The following RYR2 variants were observed in gnomAD, a reference collection of about 807,000 sequenced individuals.
RYR2 encodes ryanodine receptor 2, also known as cardiac muscle ryanodine receptor-calcium release channel.
A neutral mutation model predicts 601.1 loss-of-function variants in RYR2; 227 were observed. The observed-to-expected ratio is 0.38, with a 90% CI of 0.34 to 0.42. The LOEUF (loss-of-function observed/expected upper bound fraction) is 0.42, where lower values mean the gene tolerates loss of function less well. Ranked by LOEUF, RYR2 falls within the 10% of genes least tolerant of loss-of-function variation. RYR2 has a pLI of 1.00. For missense variants in RYR2, 4,646 were observed against 6,156.5 expected, an observed-to-expected ratio of 0.75 and a Z score of 8.21; for synonymous variants, 2,223 against 2,175.1, an observed-to-expected ratio of 1.02 and a Z score of -0.61.
intron 24 of RYR2, among the ~76,000 whole-genome samples, chr1:237,528,135 G>A (rs574757549): frequency 1.3e-5 from 2 of 152,226 alleles, no homozygotes; most frequent in Non-Finnish European, 2.9e-5. Flanking sequence ...TCAAAGAGAA[G>A]CCATAAAGTG....
intron 21 of RYR2, 73 bp downstream of exon 21, chr1:237,500,976 C>A: frequency 1.5e-6 from 2 of 1,348,582 alleles, no homozygotes; most frequent in South Asian, 2.4e-5. Flanking sequence ...TCTGCACTGC[C>A]ATTGCCCTTC....
intron 1 of RYR2, among the ~76,000 whole-genome samples, chr1:237,256,016 GT>G (rs770975990): frequency 2.6e-5 from 4 of 152,194 alleles, no homozygotes; most frequent in Admixed American, 1.3e-4. Flanking sequence ...TTTTGATGTG[GT>G]TTGGCTGTGT....
At chr1:237,529,934 T>C (rs1339527648) in intron 24 of RYR2, among the ~76,000 whole-genome samples, 2 of 152,128 alleles carry the variant, frequency 1.3e-5, no homozygotes, top group African/African-American at 4.8e-5. Flanking sequence ...GTATTCCTTT[T>C]TGTGCCATTT....
intron 10 of RYR2, among the ~76,000 whole-genome samples, chr1:237,414,515 G>A (rs947457272): frequency 2.0e-5 from 3 of 151,948 alleles, no homozygotes; most frequent in African/African-American, 4.8e-5. Context: ...CATATTATGG[G>A]GTAGAATACG....
Position 237,832,683 on chromosome 1 carries a change from AC to A in RYR2, c.*40del, listed in dbSNP as rs1283538116. The A allele has an allele frequency of 8.1e-7, 1 of 1,234,302 alleles. No individual in the cohort carries two copies. Among genetic ancestry groups the A allele is most frequent in the Non-Finnish European group, 1.2e-6 (1 of 845,538 alleles). 76.5% of individuals were successfully genotyped at this position (1,234,302 alleles called of 1,614,324 possible). On this transcript the variant is annotated 3_prime_UTR_variant, in exon 105 of 105. Transcript: ENST00000366574. ...AATCACCTCTAAAAACCAAAACCCT[AC>A]CCCTCTCTCTCCCTCTCTCAATTTC...
chr1:237,682,612 C>T (rs1368566914), intron 62 of RYR2, among the ~76,000 whole-genome samples: 1 of 152,056 alleles, frequency 6.6e-6, no homozygotes, highest in Admixed American at 6.5e-5. Flanking sequence ...TGTGTAAGTA[C>T]ATTCTATGAT....
intron 17 of RYR2, 79 bp from the exon 18 acceptor site, chr1:237,491,727 T>C: frequency 1.4e-6 from 1 of 707,816 alleles, no homozygotes; most frequent in Non-Finnish European, 2.5e-6. Flanking sequence ...AATGCACCTA[T>C]GTAGAAAAAG....
At chr1:237,046,820 G>T (rs925552983) in intron 1 of RYR2, among the ~76,000 whole-genome samples, 1 of 152,198 alleles carries the variant, frequency 6.6e-6, no homozygotes, top group African/African-American at 2.4e-5. Flanking sequence ...CTCTGACATT[G>T]TGGGAATTAG....
chr1:237,727,305 A>G (rs972048730), intron 76 of RYR2, 106 bp downstream of exon 76: 2 of 468,220 alleles, frequency 4.3e-6, no homozygotes, highest in African/African-American at 4.0e-5. Context: ...CAAGAGAAGG[A>G]TGGAAAAGCT....
chr1:237,567,511 G>A (rs1408179608), intron 28 of RYR2, among the ~76,000 whole-genome samples: 1 of 151,690 alleles, frequency 6.6e-6, no homozygotes, highest in African/African-American at 2.4e-5. Context: ...GATTGCTTGA[G>A]CTCGGGAGGT....
chr1:237,756,869 A>AT (rs1483353631), intron 81 of RYR2, among the ~76,000 whole-genome samples: 1 of 152,142 alleles, frequency 6.6e-6, no homozygotes, highest in Admixed American at 6.5e-5. Flanking sequence ...GCAAGCTGTA[A>AT]TTTTTTTATG....
intron 56 of RYR2, among the ~76,000 whole-genome samples, chr1:237,662,490 T>G (rs868119547): frequency 1.8e-3 from 16 of 8,872 alleles, no homozygotes; most frequent in Admixed American, 7.8e-3. Flanking sequence ...AAAGGGATGT[T>G]TTTTTTTTTA....
intron 1 of RYR2, among the ~76,000 whole-genome samples, chr1:237,105,581 C>A (rs1668571340): frequency 6.6e-6 from 1 of 152,066 alleles, no homozygotes; most frequent in Admixed American, 6.5e-5. Context: ...CCTGTAATCC[C>A]AGCACTTCGG....
chr1:237,452,226 T>C (rs1236230396), intron 14 of RYR2, among the ~76,000 whole-genome samples: 1 of 147,136 alleles, frequency 6.8e-6, no homozygotes, highest in African/African-American at 2.5e-5. Context: ...ATAATGGATA[T>C]ATTATGTAGT....
chr1:237,486,737 C>T (rs1252660051), intron 17 of RYR2, among the ~76,000 whole-genome samples: 1 of 152,082 alleles, frequency 6.6e-6, no homozygotes, highest in Non-Finnish European at 1.5e-5. Context: ...AAAAGTTATG[C>T]ATGCTCATTT....
rs1572576244 is a variant in RYR2 at position 237,493,075 on chromosome 1, A to G, written c.1949A>G (p.Asn650Ser). 1 of 1,613,686 alleles carries G rather than the reference A, an allele frequency of 6.2e-7. No homozygotes were observed. Among genetic ancestry groups the G allele is most frequent in the Non-Finnish European group, 8.5e-7 (1 of 1,179,806 alleles). ...RDLLLQTRLV[N>S]HVSSMRPNIF... ...TTGTTATTGCAGACACGTCTTGTGAACCATGTCAGCAGGTAAATTCAGACA... is the reference window on the plus strand; with the variant it reads ...TTGTTATTGCAGACACGTCTTGTGAGCCATGTCAGCAGGTAAATTCAGACA... The change falls in exon 19 of 105, where the codon AAC (asparagine) becomes AGC (serine). Residue 650 changes from asparagine (N) to serine (S), a missense_variant. Physicochemically the swap from Asn to Ser is conservative, Grantham distance 46. Around this residue, in one of 17 missense-constraint regions of RYR2, gnomAD observed 1,807 missense variants for 2,088.1 expected, o/e 0.87. Coordinates refer to ENST00000366574, the MANE Select transcript of RYR2 (RefSeq NM_001035.3).
intron 24 of RYR2, among the ~76,000 whole-genome samples, chr1:237,522,672 G>T (rs1306352835): frequency 1.3e-5 from 2 of 152,144 alleles, no homozygotes; most frequent in African/African-American, 4.8e-5. Context: ...TCAAATGAAT[G>T]AATTAATAAA....
intron 14 of RYR2, among the ~76,000 whole-genome samples, chr1:237,452,091 G>GTA (rs1658226748): frequency 9.4e-6 from 1 of 106,880 alleles, no homozygotes; most frequent in Non-Finnish European, 2.2e-5. Context: ...GTGTGTGTGT[G>GTA]TGTGTGTGTG....
intron 25 of RYR2, among the ~76,000 whole-genome samples, chr1:237,545,296 T>C (rs998667709): frequency 6.6e-6 from 1 of 152,252 alleles, no homozygotes; most frequent in African/African-American, 2.4e-5. Context: ...TAAGTTTTTA[T>C]TGGGAAAGAC....
Sources: allele counts gnomAD v4.1 joint callset (sites outside exome capture counted in the v4.1 genomes callset), GRCh38; gene constraint gnomAD v4.1.1; regional missense constraint gnomAD v4.1.1; transcripts MANE v1.5; gene names NCBI Gene and HGNC (gene_info 2026-07-23, HGNC 2026-07-21).